Variants in TMIGD3 observed in about 807,000 individuals in gnomAD.
The protein encoded by TMIGD3 is transmembrane and immunoglobulin domain containing 3.
In TMIGD3, 21 loss-of-function variants were observed where a neutral mutation model predicts 28.1. That is an observed-to-expected ratio of 0.75 (90% CI 0.53 to 1.08). The LOEUF is 1.08. TMIGD3 is among the 50% of genes least tolerant of loss of function. The pLI is 0.00. For synonymous variants in TMIGD3, 151 were observed against 162.1 expected, an observed-to-expected ratio of 0.93 and a Z score of 0.52; for missense variants, 416 against 435.6, an observed-to-expected ratio of 0.96 and a Z score of 0.40.
At chr1:111,526,312 G>A (rs1324195414) in intron 1 of TMIGD3, among the ~76,000 whole-genome samples, 2 of 152,110 alleles carry the variant, frequency 1.3e-5, no homozygotes, top group African/African-American at 4.8e-5. Context: ...GAATCATGGG[G>A]GCGGTTTCCC....
rs545707784 is a variant in TMIGD3 at position 111,527,277 on chromosome 1, G to T, written c.108-36515C>A. 1.3e-3 allele frequency among the ~76,000 whole-genome samples: 193 copies of T among 152,206 alleles called. 1 individual carries two copies. Among genetic ancestry groups the T allele is most frequent in the African/African-American group, 4.5e-3 (185 of 41,524 alleles). ...TCTGCCTGCCTTGGCCTCCCAAAGT[G>T]CTGAGATTACAGGCGTGAGCCACCG... On this transcript the variant is annotated intron_variant, in intron 1 of 5. Coordinates refer to the TMIGD3 transcript ENST00000369717.
intron 2 of TMIGD3, chr1:111,489,791 G>T: frequency 2.0e-6 from 2 of 989,542 alleles, no homozygotes; most frequent in Middle Eastern, 2.8e-4. Flanking sequence ...TGTCTTTAGG[G>T]GATAAGAACT....
At chr1:111,554,225 CAT>C (rs1249004828) in intron 1 of TMIGD3, among the ~76,000 whole-genome samples, 1 of 152,162 alleles carries the variant, frequency 6.6e-6, no homozygotes, top group Non-Finnish European at 1.5e-5. Context: ...CACATAAAAA[CAT>C]AGATCAAGTT....
intron 1 of TMIGD3, among the ~76,000 whole-genome samples, chr1:111,528,080 C>A (rs532160239): frequency 6.6e-6 from 1 of 152,074 alleles, no homozygotes; most frequent in South Asian, 2.1e-4. Context: ...TCATCATATC[C>A]AAAAGTCATC....
upstream of TMIGD3, among the ~76,000 whole-genome samples, chr1:111,506,926 T>TACACAC (rs374864857): frequency 3.0e-5 from 4 of 134,832 alleles, no homozygotes; most frequent in African/African-American, 1.1e-4. Flanking sequence ...TATATATATA[T>TACACAC]ACACACACAC....
chr1:111,547,401 T>A (rs1657072921), intron 1 of TMIGD3, among the ~76,000 whole-genome samples: 1 of 152,106 alleles, frequency 6.6e-6, no homozygotes, highest in South Asian at 2.1e-4. Flanking sequence ...TTTTTATATA[T>A]CAAATCAATC....
intron 1 of TMIGD3, among the ~76,000 whole-genome samples, chr1:111,531,495 C>T (rs1326629451): frequency 2.6e-5 from 4 of 152,036 alleles, no homozygotes; most frequent in Admixed American, 6.6e-5. Flanking sequence ...TCTATCTTTG[C>T]CTTCTTGAAC....
intron 1 of TMIGD3, among the ~76,000 whole-genome samples, chr1:111,562,030 T>C (rs962974630): frequency 3.3e-5 from 5 of 152,122 alleles, no homozygotes; most frequent in African/African-American, 1.2e-4. Flanking sequence ...CCAAATTAAC[T>C]TTTCAATCTT....
At chr1:111,556,497 C>T (rs1271439546) in intron 1 of TMIGD3, among the ~76,000 whole-genome samples, 1 of 152,204 alleles carries the variant, frequency 6.6e-6, no homozygotes, top group East Asian at 1.9e-4. Context: ...GTGGAGGCAA[C>T]CCAAATGTGT....
Position 111,521,536 on chromosome 1 carries a change from T to A in TMIGD3, c.108-30774A>T, listed in dbSNP as rs1336813870. Among the ~76,000 whole-genome samples the A allele has an allele frequency of 2.0e-5, 3 of 152,334 alleles. No individual in the cohort carries two copies. In the East Asian group the frequency reaches 5.8e-4, roughly 29 times the overall value. The stretch of plus-strand genomic sequence containing the variant: ...GCCTACTAACCATTGAGACTGAGCA[T>A]CTTCTTATGTGCTTTTTTGACATTT... On this transcript the variant is annotated intron_variant, in intron 1 of 5. Coordinates refer to the TMIGD3 transcript ENST00000369717.
chr1:111,552,960 A>T (rs1334642082), intron 1 of TMIGD3, among the ~76,000 whole-genome samples: 2 of 152,222 alleles, frequency 1.3e-5, no homozygotes, highest in Non-Finnish European at 2.9e-5. Flanking sequence ...AAGATTATAT[A>T]CTCATCTCTA....
At chr1:111,486,556 G>A in intron 4 of TMIGD3, 30 bp downstream of exon 4, 2 of 1,511,032 alleles carry the variant, frequency 1.3e-6, no homozygotes, top group East Asian at 2.3e-5. Context: ...ACCGCCCCAA[G>A]CCCATTCATC....
intron 1 of TMIGD3, among the ~76,000 whole-genome samples, chr1:111,521,292 C>T (rs74112315): frequency 1.3e-5 from 2 of 152,066 alleles, no homozygotes; most frequent in African/African-American, 4.8e-5. Flanking sequence ...GGGGTAAATA[C>T]CTCGTTATGG....
chr1:111,507,047 A>G (rs966471399), upstream of TMIGD3, among the ~76,000 whole-genome samples: 39,553 of 86,306 alleles, frequency 0.46, 5,881 homozygotes, highest in Admixed American at 0.54. Flanking sequence ...GTGTATATAT[A>G]TATATATATA....
chr1:111,514,548 C>T (rs765186299), intron 1 of TMIGD3, among the ~76,000 whole-genome samples: 6 of 151,666 alleles, frequency 4.0e-5, no homozygotes, highest in Non-Finnish European at 8.8e-5. Context: ...CAGGATGAGA[C>T]CTTGACTTAA....
chr1:111,542,850 C>G (rs927014832), intron 1 of TMIGD3, among the ~76,000 whole-genome samples: 1 of 152,070 alleles, frequency 6.6e-6, no homozygotes, highest in Non-Finnish European at 1.5e-5. Flanking sequence ...GCATGAACCA[C>G]CATGGCTGGC....
chr1:111,510,142 G>A (rs114900581), intron 1 of TMIGD3, among the ~76,000 whole-genome samples: 1,752 of 152,292 alleles, frequency 0.012, 24 homozygotes, highest in African/African-American at 0.04. Context: ...TCCAGCTCCT[G>A]TCAAAGCTCA....
chr1:111,489,589 C>T (rs527971053), intron 2 of TMIGD3: 21 of 1,105,652 alleles, frequency 1.9e-5, no homozygotes, highest in African/African-American at 5.3e-5. Flanking sequence ...AGTCCTTTTC[C>T]CTGGCCTAAG....
chr1:111,510,510 G>A (rs1655654460), intron 1 of TMIGD3, among the ~76,000 whole-genome samples: 1 of 152,178 alleles, frequency 6.6e-6, no homozygotes, highest in South Asian at 2.1e-4. Context: ...CATCTGGTTA[G>A]TGGCAGAGCT....
Sources: allele counts gnomAD v4.1 joint callset (sites outside exome capture counted in the v4.1 genomes callset), GRCh38; gene constraint gnomAD v4.1.1; transcripts MANE v1.5; gene names NCBI Gene and HGNC (gene_info 2026-07-23, HGNC 2026-07-21).